The following HEMK2 variants were observed in gnomAD, a reference collection of about 807,000 sequenced individuals.
The protein encoded by HEMK2 is methyltransferase HEMK2.
the HEMK2 span, among the ~76,000 whole-genome samples, chr21:28,609,257 G>A: frequency 2.0e-5 from 3 of 152,120 alleles, no homozygotes; most frequent in Non-Finnish European, 4.4e-5. Flanking sequence ...TACCAGCTTG[G>A]AGCACAGTAG....
At chr21:28,611,822 C>T in the HEMK2 span, among the ~76,000 whole-genome samples, 2 of 150,036 alleles carry the variant, frequency 1.3e-5, no homozygotes, top group African/African-American at 2.5e-5. Flanking sequence ...GAAGGGGAAT[C>T]GCTTGAACCC....
At chr21:28,831,566 G>A in the HEMK2 span, among the ~76,000 whole-genome samples, 343 of 65,532 alleles carry the variant, frequency 5.2e-3, 2 homozygotes, top group African/African-American at 7.6e-3. Context: ...AAGGAAAGAA[G>A]GAAAGAAAGA....
At chr21:28,831,682 A>AGAAAGAAAGAAGGAAG in the HEMK2 span, among the ~76,000 whole-genome samples, 1 of 20,334 alleles carries the variant, frequency 4.9e-5, no homozygotes, top group Admixed American at 5.3e-4. Context: ...AAAGAAAGAA[A>AGAAAGAAAGAAGGAAG]GAAGGAAGGA....
the HEMK2 span, among the ~76,000 whole-genome samples, chr21:28,627,334 A>G: frequency 2.0e-5 from 3 of 152,188 alleles, no homozygotes; most frequent in Non-Finnish European, 4.4e-5. Context: ...AACACTGAAA[A>G]TGGGTGCATT....
chr21:28,873,381 T>C, the HEMK2 span: 39 of 152,238 alleles, frequency 2.6e-4, no homozygotes, highest in African/African-American at 9.2e-4. Flanking sequence ...TAGCAAAATA[T>C]GGAGGACATA....
chr21:28,614,765 C>A, the HEMK2 span, among the ~76,000 whole-genome samples: 5 of 152,156 alleles, frequency 3.3e-5, no homozygotes, highest in African/African-American at 1.2e-4. Flanking sequence ...GTAGCACAAA[C>A]GCCTCCACAT....
chr21:28,721,927 CACACACACACAT>C, the HEMK2 span, among the ~76,000 whole-genome samples: 62 of 147,186 alleles, frequency 4.2e-4, no homozygotes, highest in African/African-American at 1.4e-3. Flanking sequence ...CACACACACA[CACACACACACAT>C]ACACCTATTT....
At chr21:28,817,365 G>A in the HEMK2 span, among the ~76,000 whole-genome samples, 2 of 152,202 alleles carry the variant, frequency 1.3e-5, no homozygotes, top group Non-Finnish European at 1.5e-5. Flanking sequence ...GGAAGATATA[G>A]AATACAATAA....
At chr21:28,808,035 C>A in the HEMK2 span, among the ~76,000 whole-genome samples, 1 of 152,010 alleles carries the variant, frequency 6.6e-6, no homozygotes, top group Non-Finnish European at 1.5e-5. Flanking sequence ...AGAGCTAGAG[C>A]AAGTGCCTCC....
At chr21:28,805,361 A>G in the HEMK2 span, among the ~76,000 whole-genome samples, 3 of 152,176 alleles carry the variant, frequency 2.0e-5, no homozygotes, top group Non-Finnish European at 4.4e-5. Context: ...GAATTATATT[A>G]TTGGTTATTA....
the HEMK2 span, among the ~76,000 whole-genome samples, chr21:28,882,597 TA>T: frequency 8.2e-6 from 1 of 121,862 alleles, no homozygotes; most frequent in Admixed American, 8.5e-5. Flanking sequence ...GAAATTAAAT[TA>T]AAAACACAGG....
chr21:28,689,410 TTTTTTGTC>T, the HEMK2 span, among the ~76,000 whole-genome samples: 1 of 152,218 alleles, frequency 6.6e-6, no homozygotes, highest in Non-Finnish European at 1.5e-5. Context: ...AATAATTTTC[TTTTTTGTC>T]TTTTTTTTTC....
chr21:28,788,865 T>C, the HEMK2 span, among the ~76,000 whole-genome samples: 3 of 151,730 alleles, frequency 2.0e-5, no homozygotes, highest in African/African-American at 7.3e-5. Context: ...ATATAATGAG[T>C]GATGTCCTTA....
the HEMK2 span, among the ~76,000 whole-genome samples, chr21:28,705,122 A>G: frequency 6.6e-6 from 1 of 152,068 alleles, no homozygotes; most frequent in Non-Finnish European, 1.5e-5. Flanking sequence ...GTAAATTTTC[A>G]TTTCTTTTCT....
the HEMK2 span, among the ~76,000 whole-genome samples, chr21:28,731,703 A>G: frequency 6.6e-5 from 10 of 152,128 alleles, no homozygotes; most frequent in South Asian, 2.1e-4. Context: ...ACATATATAC[A>G]TATGTAGCTA....
chr21:28,628,844 GCA>G, the HEMK2 span, among the ~76,000 whole-genome samples: 2 of 152,206 alleles, frequency 1.3e-5, no homozygotes, highest in Non-Finnish European at 2.9e-5. Context: ...GAAGCTTTTA[GCA>G]CCCTGCATCC....
At chr21:28,625,957 G>C in the HEMK2 span, among the ~76,000 whole-genome samples, 1 of 151,656 alleles carries the variant, frequency 6.6e-6, no homozygotes, top group East Asian at 1.9e-4. Flanking sequence ...GAATTTGTCA[G>C]CATCAATCTG....
the HEMK2 span, among the ~76,000 whole-genome samples, chr21:28,647,903 C>G: frequency 6.6e-6 from 1 of 152,208 alleles, no homozygotes; most frequent in East Asian, 1.9e-4. Context: ...ATCAAACTTT[C>G]CCTCTTCTCT....
chr21:28,773,091 A>G, the HEMK2 span, among the ~76,000 whole-genome samples: 1 of 152,146 alleles, frequency 6.6e-6, no homozygotes, highest in Non-Finnish European at 1.5e-5. Flanking sequence ...ATCTCTTAGA[A>G]CAGGTAGCTC....
Sources: allele counts gnomAD v4.1 joint callset (sites outside exome capture counted in the v4.1 genomes callset), GRCh38; gene constraint gnomAD v4.1.1; transcripts MANE v1.5; gene names NCBI Gene and HGNC (gene_info 2026-07-23, HGNC 2026-07-21).